URB2: variants seen among roughly 807,000 people sequenced by gnomAD.
URB2 encodes unhealthy ribosome biogenesis protein 2 homolog.
URB2 carries 86 observed loss-of-function variants against 120.9 expected under a neutral mutation model. That is an observed-to-expected ratio of 0.71 (90% CI 0.60 to 0.85). URB2 has a LOEUF of 0.85. Ranked by LOEUF, URB2 falls within the 40% of genes least tolerant of loss-of-function variation. URB2 has a pLI of 0.00. For synonymous variants in URB2, 755 were observed against 758.4 expected, an observed-to-expected ratio of 1.00 and a Z score of 0.07; for missense variants, 1,765 against 1,836.5, an observed-to-expected ratio of 0.96 and a Z score of 0.71.
At chr1:229,644,948 G>T (rs1287416105) in intron 5 of URB2, among the ~76,000 whole-genome samples, 1 of 152,014 alleles carries the variant, frequency 6.6e-6, no homozygotes, top group Non-Finnish European at 1.5e-5. Context: ...GTCTTATTAT[G>T]TAAAATACTA....
rs1558165843 is a variant in URB2 at position 229,637,579 on chromosome 1, T to A, written c.2966T>A (p.Met989Lys). The change falls in exon 4 of 10, where the codon ATG becomes AAG. Residue 989 changes from methionine to lysine, a missense_variant. Met to Lys is a moderately conservative substitution (Grantham distance 95, BLOSUM62 -1). Coordinates refer to ENST00000258243, the MANE Select transcript of URB2 (RefSeq NM_014777.4). Reference protein sequence around the residue: ...FRASSRFLIEMDDPAWLEFLQ... With the variant: ...FRASSRFLIEKDDPAWLEFLQ... ...GCTAGTAGTAGGTTCCTTATTGAGATGGATGATCCCGCTTGGCTGGAATTC... is the reference window on the plus strand; with the variant it reads ...GCTAGTAGTAGGTTCCTTATTGAGAAGGATGATCCCGCTTGGCTGGAATTC... 1 of 1,614,110 alleles carries A rather than the reference T, an allele frequency of 6.2e-7. No homozygotes were observed. Among genetic ancestry groups the A allele is most frequent in the Non-Finnish European group, 8.5e-7 (1 of 1,180,052 alleles).
intron 2 of URB2, among the ~76,000 whole-genome samples, chr1:229,628,181 A>ATATTATACATATACATATT (rs371268510): frequency 8.5e-5 from 6 of 70,726 alleles, no homozygotes; most frequent in African/African-American, 2.4e-4. Flanking sequence ...ATATGTATAT[A>ATATTATACATATACATATT]ATATATATAA....
At chr1:229,646,379 C>T (rs555121419) in intron 6 of URB2, among the ~76,000 whole-genome samples, 7 of 152,274 alleles carry the variant, frequency 4.6e-5, no homozygotes, top group South Asian at 2.1e-4. Context: ...TAGTGTTCTG[C>T]AGCCTCAAAC....
In URB2 at chr1:229,635,355, C is replaced by T. The variant is rs1665773697; in HGVS notation, c.742C>T (p.Pro248Ser). ...CATGTTCCGAGGAGGGATTTTTCAG[C>T]CTGAGCTACTGTCATCCTACAAGGA... The part of the protein sequence containing the change: ...EAMFRGGIFQ[P>S]ELLSSYKEGL... Residue 248 changes from proline to serine, a missense_variant, in exon 4 of 10, where the codon CCT becomes TCT. Coordinates refer to ENST00000258243, the MANE Select transcript of URB2 (RefSeq NM_014777.4). 6 of 1,614,132 alleles carry T rather than the reference C, an allele frequency of 3.7e-6. No homozygotes were observed. The highest frequency in any genetic ancestry group is 4.2e-6 in the Non-Finnish European group (5 of 1,179,990).
In URB2 at chr1:229,626,307, T is replaced by A. The variant is rs71652397; in HGVS notation, c.-63T>A. 0.39 allele frequency: 59,355 copies of A among 153,670 alleles called. 12,151 individuals are homozygous for A. Among genetic ancestry groups the A allele is most frequent in the South Asian group, 0.48 (2,419 of 5,028 alleles). The allele number at this position is 153,670 out of a possible 1,614,324, so 9.5% of individuals were successfully genotyped here. A position where few individuals can be genotyped will look rare whatever the true frequency, so the allele number is the denominator to read the frequency against. On this transcript the variant is annotated 5_prime_UTR_variant, in exon 1 of 10. Coordinates refer to ENST00000258243, the MANE Select transcript of URB2 (RefSeq NM_014777.4). ...CCGCCGCTGCCGCCGTCCTCCCCTG[T>A]CTACCCGGAGCTGTCTCGAGCTGAG...
intron 1 of URB2, among the ~76,000 whole-genome samples, chr1:229,626,883 C>T (rs558286648): frequency 6.6e-6 from 1 of 152,210 alleles, no homozygotes; most frequent in Non-Finnish European, 1.5e-5. Flanking sequence ...CGTTCTTGTT[C>T]TCTGCAGTAG....
At chr1:229,631,170 C>G (rs1665658663) in intron 2 of URB2, among the ~76,000 whole-genome samples, 1 of 152,088 alleles carries the variant, frequency 6.6e-6, no homozygotes, top group African/African-American at 2.4e-5. Flanking sequence ...ACTTCATGAA[C>G]CAACCTCTGG....
At chr1:229,630,931 G>A (rs1299439496) in intron 2 of URB2, among the ~76,000 whole-genome samples, 3 of 137,132 alleles carry the variant, frequency 2.2e-5, no homozygotes, top group Non-Finnish European at 3.0e-5. Context: ...GCAGTGAGCC[G>A]AGATCGCGCC....
intron 4 of URB2, among the ~76,000 whole-genome samples, chr1:229,638,917 A>G (rs1047018317): frequency 2.0e-5 from 3 of 152,178 alleles, no homozygotes; most frequent in Non-Finnish European, 2.9e-5. Flanking sequence ...CCTGGCTGCA[A>G]TGAGATACAT....
At chr1:229,645,021 C>T (rs948019030) in intron 5 of URB2, among the ~76,000 whole-genome samples, 1 of 152,148 alleles carries the variant, frequency 6.6e-6, no homozygotes, top group African/African-American at 2.4e-5. Flanking sequence ...TGCGGTGGCT[C>T]ATGCCTGTAA....
chr1:229,628,250 A>G (rs1214571895), intron 2 of URB2, among the ~76,000 whole-genome samples: 1 of 145,670 alleles, frequency 6.9e-6, no homozygotes, highest in Non-Finnish European at 1.5e-5. Context: ...TTATACATAT[A>G]CATATTATAT....
chr1:229,637,861 C>T lies in URB2; in HGVS notation c.3248C>T (p.Ala1083Val). ...AAGCTGGGCCAAGAGGCCCCAGCAG[C>T]ACTGTCTGAGCTGCTGCAGCAGGTT... ...EQKLGQEAPA[A>V]LSELLQQVVL... The change falls in exon 4 of 10, where the codon GCA becomes GTA. Residue 1083 changes from alanine (A) to valine (V), a missense_variant. Transcript: ENST00000258243. 6.2e-7 allele frequency: 1 copy of T among 1,602,934 alleles called. No homozygotes were observed. The highest frequency in any genetic ancestry group is 8.5e-7 in the Non-Finnish European group (1 of 1,175,266).
intron 3 of URB2, among the ~76,000 whole-genome samples, chr1:229,633,652 G>A (rs1033218793): frequency 2.0e-5 from 3 of 152,118 alleles, no homozygotes; most frequent in African/African-American, 7.2e-5. Context: ...TGATAACTTA[G>A]CACCTGGGAT....
In URB2 at chr1:229,647,748, C is replaced by T. The variant is rs746003792; in HGVS notation, c.4145C>T (p.Pro1382Leu). The part of the protein sequence containing the change: ...NVLFSILQCH[P>L]KVMLKAIPSF... ...CTCTTCTCAATCCTGCAGTGTCACC[C>T]TAAGGTGAGAAGGAGGGTGAGAGTG... Residue 1382 changes from proline (P) to leucine (L), a missense_variant, in exon 7 of 10, where the codon CCT (proline) becomes CTT (leucine). Pro to Leu is a moderately conservative substitution (Grantham distance 98). Transcript: ENST00000258243. 6.2e-7 allele frequency: 1 copy of T among 1,612,486 alleles called. No individual in the cohort carries two copies. The highest frequency in any genetic ancestry group is 8.5e-7 in the Non-Finnish European group (1 of 1,178,878).
At chr1:229,643,416 C>A (rs1666059952) in intron 4 of URB2, 117 bp from the exon 5 acceptor site, 1 of 1,164,218 alleles carries the variant, frequency 8.6e-7, no homozygotes, top group Admixed American at 2.1e-5. Flanking sequence ...TATCACCATG[C>A]CCCTAACTTG....
intron 4 of URB2, among the ~76,000 whole-genome samples, chr1:229,641,009 CTTTT>C (rs769502292): frequency 5.2e-5 from 6 of 115,302 alleles, no homozygotes; most frequent in Non-Finnish European, 1.7e-5. Flanking sequence ...GAGGCAATCT[CTTTT>C]TTTTTTTTTT....
chr1:229,630,193 T>G (rs1319160232), intron 2 of URB2, among the ~76,000 whole-genome samples: 1 of 152,228 alleles, frequency 6.6e-6, no homozygotes, highest in African/African-American at 2.4e-5. Flanking sequence ...GGTGATTCTT[T>G]CCAGAAGATC....
chr1:229,627,746 C>G lies in URB2; in HGVS notation c.113C>G (p.Pro38Arg). ...TGGATTTCTCACCAGTGCTTTCTTC[C>G]AAATAAAGAACAAGTAAGTTTAATG... ...FAWISHQCFL[P>R]NKEQVLLDWA... is the part of the protein sequence containing the mutation. Residue 38 changes from proline (P) to arginine (R), a missense_variant, in exon 2 of 10, where the codon CCA becomes CGA. Pro to Arg is a moderately radical substitution (Grantham distance 103). Transcript: ENST00000258243. The G allele has an allele frequency of 6.2e-7, 1 of 1,608,862 alleles. No homozygotes were observed. Among genetic ancestry groups the G allele is most frequent in the Non-Finnish European group, 8.5e-7 (1 of 1,177,508 alleles).
Position 229,635,869 on chromosome 1 carries a change from A to G in URB2, c.1256A>G (p.Asn419Ser), listed in dbSNP as rs1202016329. The G allele has an allele frequency of 6.2e-7, 1 of 1,614,180 alleles. No individual in the cohort carries two copies. The highest frequency in any genetic ancestry group is 1.1e-5 in the South Asian group (1 of 91,084). The change falls in exon 4 of 10, where the codon AAT (asparagine) becomes AGT (serine). Residue 419 changes from asparagine (N) to serine (S), a missense_variant. Coordinates refer to ENST00000258243, the MANE Select transcript of URB2 (RefSeq NM_014777.4). ...FRCLKTLISL[N>S]HLILEPDLDD... is the part of the protein sequence containing the mutation. ...TGTCTGAAGACTTTGATATCTCTGA[A>G]TCATTTGATTTTGGAGCCAGACCTG...
Sources: allele counts gnomAD v4.1 joint callset (sites outside exome capture counted in the v4.1 genomes callset), GRCh38; gene constraint gnomAD v4.1.1; transcripts MANE v1.5; gene names NCBI Gene and HGNC (gene_info 2026-07-23, HGNC 2026-07-21).